The following EEFSEC variants were observed in gnomAD, a reference collection of about 807,000 sequenced individuals.
EEFSEC encodes the protein selenocysteine-specific elongation factor.
Under a neutral mutation model 42.1 loss-of-function variants are expected in EEFSEC, and 43 were observed. The ratio of observed to expected loss-of-function variants is 1.02; its 90% CI spans 0.80 to 1.32. EEFSEC has a LOEUF of 1.32. Among genes scored for constraint, EEFSEC ranks in the 40% most tolerant of loss-of-function variants. The probability of loss-of-function intolerance (pLI) is 0.00; values close to 1 mark genes in which losing one functional copy is unlikely to be tolerated. For synonymous variants in EEFSEC, 354 were observed against 339.1 expected, an observed-to-expected ratio of 1.04 and a Z score of -0.48; for missense variants, 745 against 803.6, an observed-to-expected ratio of 0.93 and a Z score of 0.88.
At chr3:128,156,771 C>A (rs1035617098) in intron 1 of EEFSEC, among the ~76,000 whole-genome samples, 1 of 152,206 alleles carries the variant, frequency 6.6e-6, no homozygotes. Context: ...TCTGACTGTT[C>A]TACCTACTGG....
chr3:128,268,049 A>G (rs577062245), intron 4 of EEFSEC, among the ~76,000 whole-genome samples: 3 of 152,360 alleles, frequency 2.0e-5, no homozygotes, highest in South Asian at 4.1e-4. Context: ...AAAAGGAAGA[A>G]TGACTCTGAG....
At chr3:128,186,651 G>A (rs544319744) in intron 1 of EEFSEC, among the ~76,000 whole-genome samples, 2 of 152,240 alleles carry the variant, frequency 1.3e-5, no homozygotes, top group Non-Finnish European at 2.9e-5. Flanking sequence ...ATATCTGGTT[G>A]TCCCAGTTTT....
chr3:128,424,548 A>AT, the EEFSEC span, among the ~76,000 whole-genome samples: 19 of 150,066 alleles, frequency 1.3e-4, no homozygotes, highest in Middle Eastern at 0.01. Context: ...CATACTGCCT[A>AT]TTTTTTTTTC....
chr3:128,242,334 AT>A (rs879941175), intron 1 of EEFSEC, among the ~76,000 whole-genome samples: 6 of 152,146 alleles, frequency 3.9e-5, no homozygotes, highest in Admixed American at 6.5e-5. Context: ...AAAAAAATAA[AT>A]AAATAAATAA....
At chr3:128,171,046 T>C (rs2065290611) in intron 1 of EEFSEC, among the ~76,000 whole-genome samples, 1 of 152,162 alleles carries the variant, frequency 6.6e-6, no homozygotes, top group Non-Finnish European at 1.5e-5. Flanking sequence ...GACCCAGCTG[T>C]ACAATCGCAA....
chr3:128,268,044 G>A (rs1424944047), intron 4 of EEFSEC, among the ~76,000 whole-genome samples: 3 of 152,198 alleles, frequency 2.0e-5, no homozygotes, highest in Non-Finnish European at 4.4e-5. Flanking sequence ...ACTAAAAAAG[G>A]AAGAATGACT....
intron 5 of EEFSEC, among the ~76,000 whole-genome samples, chr3:128,342,334 GC>G (rs2067265510): frequency 6.6e-6 from 1 of 152,366 alleles, no homozygotes; most frequent in Non-Finnish European, 1.5e-5. Flanking sequence ...ATGTGCCCCT[GC>G]AAGCTGCTTA....
chr3:128,406,892 C>T (rs1286769438), intron 6 of EEFSEC, among the ~76,000 whole-genome samples: 1 of 151,486 alleles, frequency 6.6e-6, no homozygotes, highest in Non-Finnish European at 1.5e-5. Flanking sequence ...ATATATATTA[C>T]ACTATAAATA....
intron 4 of EEFSEC, among the ~76,000 whole-genome samples, chr3:128,267,223 G>A (rs1576592983): frequency 6.6e-6 from 1 of 152,276 alleles, no homozygotes; most frequent in South Asian, 2.1e-4. Context: ...TGGTAAGGAG[G>A]CAGGGATGTT....
intron 6 of EEFSEC, among the ~76,000 whole-genome samples, chr3:128,375,057 G>T (rs1559946639): frequency 6.6e-6 from 1 of 152,240 alleles, no homozygotes; most frequent in Non-Finnish European, 1.5e-5. Context: ...GGTGGTTAAA[G>T]AAATACTCTA....
chr3:128,349,449 A>C (rs775651330), intron 5 of EEFSEC, among the ~76,000 whole-genome samples: 1 of 152,200 alleles, frequency 6.6e-6, no homozygotes, highest in South Asian at 2.1e-4. Context: ...CTATGGAGCC[A>C]GGCTTCTCCA....
intron 4 of EEFSEC, among the ~76,000 whole-genome samples, chr3:128,274,217 G>A (rs1227652462): frequency 1.3e-5 from 2 of 152,238 alleles, no homozygotes; most frequent in African/African-American, 4.8e-5. Context: ...TTGTACCTAT[G>A]TGCTGGCCCT....
chr3:128,388,732 T>C (rs543997835), intron 6 of EEFSEC, among the ~76,000 whole-genome samples: 1 of 152,346 alleles, frequency 6.6e-6, no homozygotes, highest in South Asian at 2.1e-4. Flanking sequence ...GGCCAGAGCG[T>C]CTAGCAGAGA....
At chr3:128,410,862 G>A (rs2068168764), downstream of EEFSEC, among the ~76,000 whole-genome samples, 1 of 152,168 alleles carries the variant, frequency 6.6e-6, no homozygotes, top group African/African-American at 2.4e-5. Context: ...CCTCCCTACT[G>A]GTCTGAAGAC....
At chr3:128,181,899 C>T (rs1200756499) in intron 1 of EEFSEC, among the ~76,000 whole-genome samples, 3 of 152,184 alleles carry the variant, frequency 2.0e-5, no homozygotes, top group South Asian at 2.1e-4. Context: ...CTGGAACCTC[C>T]GCCTCCCGGG....
chr3:128,419,226 G>A, the EEFSEC span, among the ~76,000 whole-genome samples: 1 of 152,158 alleles, frequency 6.6e-6, no homozygotes. Flanking sequence ...GTGGGGCACG[G>A]CTGCTGGTGG....
chr3:128,165,546 A>T (rs573779773), intron 1 of EEFSEC, among the ~76,000 whole-genome samples: 1 of 152,236 alleles, frequency 6.6e-6, no homozygotes, highest in African/African-American at 2.4e-5. Flanking sequence ...AGGAGAAAAA[A>T]CAACTTTTGC....
At position 128,250,085 on chromosome 3, in the gene EEFSEC, T is replaced by C. The variant is rs1293994375; in HGVS notation, c.524+3042T>C. 5.9e-5 allele frequency among the ~76,000 whole-genome samples: 9 copies of C among 152,194 alleles called. No homozygotes were observed. The East Asian group carries it at 1.7e-3, about 29-fold the overall frequency. On this transcript the variant is annotated intron_variant, in intron 2 of 6. Coordinates refer to ENST00000254730, the MANE Select transcript of EEFSEC (RefSeq NM_021937.5). The stretch of plus-strand genomic sequence containing the variant: ...ATCTATTCAAGTCCTTTGTACATTT[T>C]TAGGTTGGGTTGTTTTCTGTTGTTG...
chr3:128,191,689 G>A (rs1367183110), intron 1 of EEFSEC, among the ~76,000 whole-genome samples: 3 of 152,134 alleles, frequency 2.0e-5, no homozygotes, highest in Non-Finnish European at 4.4e-5. Context: ...CTACTCTAGG[G>A]AACTCATATA....
Sources: allele counts gnomAD v4.1 joint callset (sites outside exome capture counted in the v4.1 genomes callset), GRCh38; gene constraint gnomAD v4.1.1; transcripts MANE v1.5; gene names NCBI Gene and HGNC (gene_info 2026-07-23, HGNC 2026-07-21).